Variants in ZNF626 observed in about 807,000 individuals in gnomAD.
ZNF626 encodes the protein CTC-513N18.7.
A neutral mutation model predicts 11.7 loss-of-function variants in ZNF626; 4 were observed. The observed-to-expected ratio is 0.34, with a 90% CI of 0.17 to 0.78. The LOEUF is 0.78. Among genes scored for constraint, ZNF626 ranks in the 30% least tolerant of loss-of-function variants. The probability of loss-of-function intolerance (pLI) is 0.57; values close to 1 mark genes in which losing one functional copy is unlikely to be tolerated. For missense variants in ZNF626, 588 were observed against 587.1 expected (o/e 1.00, Z -0.01); for synonymous variants, 179 against 198.6 (o/e 0.90, Z 0.83).
chr19:20,653,336 G>A (rs188717539), intron 1 of ZNF626, among the ~76,000 whole-genome samples: 1 of 152,228 alleles, frequency 6.6e-6, no homozygotes, highest in Admixed American at 6.5e-5. Context: ...ACATGCATCA[G>A]TCAATCTGCT....
chr19:20,661,351 G>T (rs1970265683), intron 1 of ZNF626, 93 bp downstream of exon 1: 4 of 1,521,728 alleles, frequency 2.6e-6, no homozygotes. Flanking sequence ...CTGTGGAGCT[G>T]ACTGCGGGGA....
intron 1 of ZNF626, 98 bp downstream of exon 1, chr19:20,661,346 G>C: frequency 4.1e-6 from 6 of 1,479,686 alleles, no homozygotes; most frequent in South Asian, 3.4e-5. Flanking sequence ...GCAGACTGTG[G>C]AGCTGACTGC....
At chr19:20,628,581 T>G (rs919504607) in intron 3 of ZNF626, among the ~76,000 whole-genome samples, 2 of 152,228 alleles carry the variant, frequency 1.3e-5, no homozygotes, top group Non-Finnish European at 2.9e-5. Context: ...AATGTCTTCT[T>G]TTGAGAAGTG....
rs181825616 is a variant in ZNF626, at chr19:20,625,038, G to A, written c.839C>T (p.Thr280Met). ...STLSKHEIIHTEKKPYKCEEC... is the reference protein window; with the variant it reads ...STLSKHEIIHMEKKPYKCEEC... ...TTCACATTTGTAGGGTTTCTTTTCC[G>A]TATGAATTATCTCATGTTTACTAAG... Residue 280 changes from threonine (T) to methionine (M), a missense_variant, in exon 4 of 4, where the codon ACG becomes ATG. By Grantham distance (81) the Thr-to-Met change is moderately conservative (BLOSUM62 -1). Around this residue, in one of 4 missense-constraint regions of ZNF626, gnomAD observed 524 missense variants for 470.1 expected, o/e 1.11. Transcript: ENST00000601440. 5.0e-5 allele frequency: 80 copies of A among 1,613,754 alleles called. No homozygotes were observed. The East Asian group carries it at 1.1e-3, about 22-fold the overall frequency.
At chr19:20,633,121 C>G (rs553513384) in intron 3 of ZNF626, among the ~76,000 whole-genome samples, 9 of 152,258 alleles carry the variant, frequency 5.9e-5, no homozygotes, top group South Asian at 4.1e-4. Flanking sequence ...ACCGCAGATA[C>G]TGCTGCCTGA....
rs372421269 is a variant in ZNF626 at position 20,646,420 on chromosome 19, C to T, written c.4-15G>A. On this transcript the variant is annotated splice_polypyrimidine_tract_variant and intron_variant, in intron 1 of 3. Transcript: ENST00000601440. Reference sequence around the variant, plus strand: ...TGCAATGGTCCCTGAAAAACACACACACACACATTTTTACCAAGTGGCCAT... The same window carrying T: ...TGCAATGGTCCCTGAAAAACACACATACACACATTTTTACCAAGTGGCCAT... 44 of 1,613,696 alleles carry T rather than the reference C, an allele frequency of 2.7e-5. No individual in the cohort carries two copies. Among genetic ancestry groups the T allele is most frequent in the African/African-American group, 1.5e-4 (11 of 74,908 alleles).
At chr19:20,641,434 T>C (rs1555771446) in intron 3 of ZNF626, among the ~76,000 whole-genome samples, 1 of 152,128 alleles carries the variant, frequency 6.6e-6, no homozygotes, top group Non-Finnish European at 1.5e-5. Flanking sequence ...GTCAAAATCA[T>C]AAAAATAGAA....
chr19:20,657,696 A>G (rs1970219755), intron 1 of ZNF626, among the ~76,000 whole-genome samples: 1 of 151,976 alleles, frequency 6.6e-6, no homozygotes, highest in Admixed American at 6.6e-5. Context: ...TCCCAGCTAC[A>G]TAGGAGGCTG....
intron 3 of ZNF626, among the ~76,000 whole-genome samples, chr19:20,640,609 A>G (rs1970013898): frequency 6.6e-6 from 1 of 151,654 alleles, no homozygotes; most frequent in Non-Finnish European, 1.5e-5. Context: ...TACACAAATG[A>G]GAAAAAGCAT....
chr19:20,624,159 G>C lies in ZNF626; in HGVS notation c.*131C>G. 1 of 1,453,700 alleles carries C rather than the reference G, an allele frequency of 6.9e-7. No homozygotes were observed. The highest frequency in any genetic ancestry group is 9.6e-7 in the Non-Finnish European group (1 of 1,038,968). The allele number at this position is 1,453,700 out of a possible 1,614,324, so 90.1% of individuals were successfully genotyped here. On this transcript the variant is annotated 3_prime_UTR_variant, in exon 4 of 4. Coordinates refer to ENST00000601440, the MANE Select transcript of ZNF626 (RefSeq NM_001076675.3). The stretch of plus-strand genomic sequence containing the variant: ...TAGTAAGTTTAGAGGAGTGCTTAAA[G>C]GCTTTGCCACATTCTTCACATCTGT...
intron 3 of ZNF626, among the ~76,000 whole-genome samples, chr19:20,641,364 T>C (rs1970022965): frequency 6.6e-6 from 1 of 152,186 alleles, no homozygotes; most frequent in Non-Finnish European, 1.5e-5. Context: ...GTCACTTGAA[T>C]AATCCAGTAA....
At chr19:20,627,894 G>C (rs1055722248) in intron 3 of ZNF626, among the ~76,000 whole-genome samples, 1 of 152,092 alleles carries the variant, frequency 6.6e-6, no homozygotes, top group Non-Finnish European at 1.5e-5. Flanking sequence ...TCGTCATTTA[G>C]CATTAGGTGT....
intron 1 of ZNF626, among the ~76,000 whole-genome samples, chr19:20,648,727 A>G (rs1970113051): frequency 6.6e-6 from 1 of 152,202 alleles, no homozygotes; most frequent in Non-Finnish European, 1.5e-5. Flanking sequence ...ACACAGCTGG[A>G]GCCTCAACAT....
intron 3 of ZNF626, among the ~76,000 whole-genome samples, chr19:20,641,738 T>A (rs1261178583): frequency 2.0e-5 from 3 of 151,592 alleles, no homozygotes; most frequent in Non-Finnish European, 2.9e-5. Flanking sequence ...TTTTTTTTTA[T>A]AGAAAGGGGT....
chr19:20,653,720 T>G (rs543536307), intron 1 of ZNF626, among the ~76,000 whole-genome samples: 65 of 152,134 alleles, frequency 4.3e-4, no homozygotes, highest in African/African-American at 1.5e-3. Flanking sequence ...TTATAAAGTT[T>G]CATTTCCATC....
Position 20,622,339 on chromosome 19 carries a change from T to C in ZNF626, c.*1951A>G, listed in dbSNP as rs909364648. 3.9e-5 allele frequency: 6 copies of C among 152,208 alleles called. No homozygotes were observed. The highest frequency in any genetic ancestry group is 7.2e-5 in the African/African-American group (3 of 41,456). The allele number at this position is 152,208 out of a possible 1,614,324, so 9.4% of individuals were successfully genotyped here. On this transcript the variant is annotated 3_prime_UTR_variant, in exon 4 of 4. Transcript: ENST00000601440. Reference sequence around the variant, plus strand: ...TTATAATTTCTTTCTCTCAGTATAATGTAGAAAAGTATTACTCTGAACACC... The same window carrying C: ...TTATAATTTCTTTCTCTCAGTATAACGTAGAAAAGTATTACTCTGAACACC...
intron 1 of ZNF626, among the ~76,000 whole-genome samples, chr19:20,657,634 C>T (rs1970218908): frequency 6.6e-6 from 1 of 151,840 alleles, no homozygotes; most frequent in South Asian, 2.1e-4. Flanking sequence ...TGGAGAAACC[C>T]CTCTCTACTA....
intron 3 of ZNF626, among the ~76,000 whole-genome samples, chr19:20,632,220 C>T (rs1208935303): frequency 1.3e-5 from 2 of 152,222 alleles, no homozygotes; most frequent in Non-Finnish European, 2.9e-5. Context: ...CTGCTCTTAA[C>T]ATTTTTTCCT....
At position 20,653,667 on chromosome 19, in the gene ZNF626, G is replaced by GAA. The variant is rs137921769; in HGVS notation, c.4-7264_4-7263dup. Among the ~76,000 whole-genome samples, 91 of 34,862 alleles carry GAA rather than the reference G, an allele frequency of 2.6e-3. 4 individuals carry two copies. In the African/African-American group the frequency reaches 0.047, roughly 18 times the overall value. The allele number at this position is 34,862 out of a possible 152,430, so 22.9% of individuals were successfully genotyped here. On this transcript the variant is annotated intron_variant, in intron 1 of 3. Transcript: ENST00000601440. Reference sequence around the variant, plus strand: ...AAAAAAAAAAAGAAAAAGAAAAAAAGAAAAAGAAAGGAAAAGAACAGGGAC... The same window carrying GAA: ...AAAAAAAAAAAGAAAAAGAAAAAAAGAAAAAAAGAAAGGAAAAGAACAGGGAC...
Sources: allele counts gnomAD v4.1 joint callset (sites outside exome capture counted in the v4.1 genomes callset), GRCh38; gene constraint gnomAD v4.1.1; regional missense constraint gnomAD v4.1.1; transcripts MANE v1.5; gene names NCBI Gene and HGNC (gene_info 2026-07-23, HGNC 2026-07-21).